Variants in SNX29 observed in about 807,000 individuals in gnomAD.
SNX29 encodes the protein sorting nexin-29.
SNX29 carries 78 observed loss-of-function variants against 102.1 expected under a neutral mutation model. The observed-to-expected ratio is 0.76, with a 90% CI of 0.64 to 0.92. The LOEUF is 0.92. Ranked by LOEUF, SNX29 falls within the 40% of genes least tolerant of loss-of-function variation. The probability of loss-of-function intolerance (pLI) is 0.00; values close to 1 mark genes in which losing one functional copy is unlikely to be tolerated. For synonymous variants in SNX29, 580 were observed against 414.5 expected, an observed-to-expected ratio of 1.40 and a Z score of -4.85; for missense variants, 1,280 against 1,061.7, an observed-to-expected ratio of 1.21 and a Z score of -2.86.
intron 18 of SNX29, among the ~76,000 whole-genome samples, chr16:12,459,522 G>A (rs1038341332): frequency 6.6e-6 from 1 of 152,178 alleles, no homozygotes. Flanking sequence ...GGCAGGCAGA[G>A]AAAGACAACC....
intron 16 of SNX29, chr16:12,372,639 G>A (rs971135384): frequency 6.6e-6 from 1 of 152,162 alleles, no homozygotes; most frequent in African/African-American, 2.4e-5. Context: ...TAGGTATCAA[G>A]TATAATGATG....
At chr16:12,453,168 A>G (rs1389092450) in intron 18 of SNX29, among the ~76,000 whole-genome samples, 2 of 152,210 alleles carry the variant, frequency 1.3e-5, no homozygotes, top group African/African-American at 4.8e-5. Flanking sequence ...CCTCTGAAAC[A>G]GGAATGTTAC....
chr16:12,108,577 G>A lies in SNX29; in HGVS notation c.1403-18056G>A, dbSNP rs367863142. The stretch of plus-strand genomic sequence containing the variant: ...TACTATATCTGGGCAGTGTGCATGC[G>A]GGAACCTCCATAGCCTGTAGCTCTC... On this transcript the variant is annotated intron_variant, in intron 11 of 20. Coordinates refer to ENST00000566228, the MANE Select transcript of SNX29 (RefSeq NM_032167.5). Among the ~76,000 whole-genome samples the A allele has an allele frequency of 2.6e-5, 4 of 152,120 alleles. No individual in the cohort carries two copies. In the East Asian group the frequency reaches 7.7e-4, roughly 29 times the overall value.
At chr16:12,484,488 C>A (rs1465088328) in intron 19 of SNX29, among the ~76,000 whole-genome samples, 3 of 152,162 alleles carry the variant, frequency 2.0e-5, no homozygotes, top group Non-Finnish European at 4.4e-5. Context: ...TCCAGTGACA[C>A]CCCTGGTACT....
At chr16:12,155,674 C>A (rs7206824) in intron 13 of SNX29, among the ~76,000 whole-genome samples, 4 of 151,942 alleles carry the variant, frequency 2.6e-5, no homozygotes, top group Non-Finnish European at 4.4e-5. Flanking sequence ...GGTGGCATGC[C>A]GAGATGGAAA....
At chr16:12,395,052 G>A (rs994709659) in intron 16 of SNX29, among the ~76,000 whole-genome samples, 1 of 152,184 alleles carries the variant, frequency 6.6e-6, no homozygotes, top group East Asian at 1.9e-4. Flanking sequence ...GGGAGGAGGT[G>A]TAATTTTTCT....
chr16:12,343,548 G>T (rs2081678661), intron 15 of SNX29, among the ~76,000 whole-genome samples: 1 of 152,160 alleles, frequency 6.6e-6, no homozygotes, highest in South Asian at 2.1e-4. Context: ...CCTGCCAGCT[G>T]ACCTCTTCCT....
intron 1 of SNX29, among the ~76,000 whole-genome samples, chr16:11,982,884 C>T (rs404854): frequency 0.76 from 115,539 of 152,040 alleles, 44,847 homozygotes; most frequent in Non-Finnish European, 0.84. Flanking sequence ...TCTTGCCTGA[C>T]GTTAATGTAT....
chr16:12,302,162 G>A (rs2080193031), intron 15 of SNX29, among the ~76,000 whole-genome samples: 1 of 152,220 alleles, frequency 6.6e-6, no homozygotes, highest in Non-Finnish European at 1.5e-5. Context: ...GAGGGTGGAT[G>A]TGTTGGTGGG....
chr16:12,564,838 C>G (rs571270529), intron 20 of SNX29, among the ~76,000 whole-genome samples: 2 of 143,364 alleles, frequency 1.4e-5, no homozygotes, highest in Non-Finnish European at 3.1e-5. Context: ...ACGCTGAAGT[C>G]GGCAGCTAAC....
At chr16:12,539,852 T>C (rs888372886) in intron 20 of SNX29, among the ~76,000 whole-genome samples, 1 of 152,240 alleles carries the variant, frequency 6.6e-6, no homozygotes, top group African/African-American at 2.4e-5. Context: ...TAAGTAAGTG[T>C]CCAAGTATTT....
chr16:12,399,955 G>A lies in SNX29; in HGVS notation c.1955+1454G>A, dbSNP rs1378177276. ...GGGAGTCCCAGACACGAGGCTGGAA[G>A]CACTCATTATTAAAGCAAGAATTCA... On this transcript the variant is annotated intron_variant, in intron 17 of 20. Transcript: ENST00000566228. Among the ~76,000 whole-genome samples the A allele has an allele frequency of 8.5e-5, 13 of 152,106 alleles. No individual in the cohort carries two copies. The South Asian group carries it at 2.5e-3, about 29-fold the overall frequency.
At chr16:12,521,845 C>T (rs779972507) in intron 19 of SNX29, among the ~76,000 whole-genome samples, 1 of 152,236 alleles carries the variant, frequency 6.6e-6, no homozygotes, top group Non-Finnish European at 1.5e-5. Flanking sequence ...GACCCTGGGA[C>T]AACCTTGTCT....
chr16:12,218,964 C>T lies in SNX29; in HGVS notation c.1678+19281C>T, dbSNP rs138470230. The stretch of plus-strand genomic sequence containing the variant: ...TAATTTTTTGTATTTTTAGTAGAGA[C>T]GGGGTTTCACTGTGTTAGCCAGGTT... On this transcript the variant is annotated intron_variant, in intron 14 of 20. Coordinates refer to ENST00000566228, the MANE Select transcript of SNX29 (RefSeq NM_032167.5). Among the ~76,000 whole-genome samples the T allele has an allele frequency of 6.2e-4, 94 of 152,084 alleles. No homozygotes were observed. The East Asian group carries it at 7.5e-3, about 12-fold the overall frequency.
Position 12,126,651 on chromosome 16 carries a change from C to T in SNX29, c.1421C>T (p.Thr474Ile), listed in dbSNP as rs762607829. The T allele has an allele frequency of 1.9e-6, 3 of 1,614,034 alleles. No homozygotes were observed. Among genetic ancestry groups the T allele is most frequent in the South Asian group, 2.2e-5 (2 of 91,072 alleles). The change falls in exon 12 of 21, where the codon ACT becomes ATT. Residue 474 changes from threonine to isoleucine, a missense_variant. By Grantham distance (89) the Thr-to-Ile change is moderately conservative (BLOSUM62 -1). Coordinates refer to ENST00000566228, the MANE Select transcript of SNX29 (RefSeq NM_032167.5). ...SMTISELRQA[T>I]VAMMNRKDEL... is the part of the protein sequence containing the mutation. ...CCCTTAGGTGAACTGCGCCAGGCCA[C>T]TGTGGCCATGATGAACAGGAAGGAT...
At chr16:12,379,794 T>A (rs1346053430) in intron 16 of SNX29, among the ~76,000 whole-genome samples, 1 of 152,164 alleles carries the variant, frequency 6.6e-6, no homozygotes, top group East Asian at 1.9e-4. Context: ...TTGAGGGTTT[T>A]GGTGATTGGC....
intron 13 of SNX29, among the ~76,000 whole-genome samples, chr16:12,195,766 T>G (rs2076757100): frequency 6.6e-6 from 1 of 152,154 alleles, no homozygotes; most frequent in African/African-American, 2.4e-5. Flanking sequence ...AGTTGGAGTG[T>G]GTGTTAGACT....
chr16:12,357,424 C>T (rs1230952022), intron 16 of SNX29, among the ~76,000 whole-genome samples: 1 of 152,200 alleles, frequency 6.6e-6, no homozygotes, highest in Non-Finnish European at 1.5e-5. Context: ...TTTCCAATTG[C>T]CTCATACCTT....
At chr16:12,359,002 C>T (rs961240306) in intron 16 of SNX29, among the ~76,000 whole-genome samples, 2 of 152,216 alleles carry the variant, frequency 1.3e-5, no homozygotes, top group African/African-American at 4.8e-5. Flanking sequence ...GTGAGCTGCT[C>T]TAGCAAATTA....
Sources: allele counts gnomAD v4.1 joint callset (sites outside exome capture counted in the v4.1 genomes callset), GRCh38; gene constraint gnomAD v4.1.1; transcripts MANE v1.5; gene names NCBI Gene and HGNC (gene_info 2026-07-23, HGNC 2026-07-21).